CDH13: variants seen among roughly 807,000 people sequenced by gnomAD.
The protein encoded by CDH13 is cadherin 13.
A neutral mutation model predicts 63.8 loss-of-function variants in CDH13; 24 were observed. The ratio of observed to expected loss-of-function variants is 0.38; its 90% CI spans 0.27 to 0.53. The LOEUF (loss-of-function observed/expected upper bound fraction) is 0.53. CDH13 is among the 20% of genes least tolerant of loss of function. CDH13 has a pLI of 0.85. For synonymous variants in CDH13, 503 were observed against 355.3 expected (o/e 1.42, Z -4.67); for missense variants, 1,049 against 903.1 (o/e 1.16, Z -2.07).
rs149017844 is a variant in CDH13, at chr16:83,168,353, A to G, written c.483+42852A>G. Among the ~76,000 whole-genome samples, 460 of 152,154 alleles carry G rather than the reference A, an allele frequency of 3.0e-3. 2 individuals carry two copies. Among genetic ancestry groups the G allele is most frequent in the African/African-American group, 0.011 (446 of 41,550 alleles). On this transcript the variant is annotated intron_variant, in intron 4 of 13. Coordinates refer to ENST00000567109, the MANE Select transcript of CDH13 (RefSeq NM_001257.5). ...TATTTACACACACACTCAAACACGC[A>G]TACATGTATGTATGTGTATATATAT... is the stretch of plus-strand genomic sequence containing the variant.
intron 8 of CDH13, among the ~76,000 whole-genome samples, chr16:83,605,738 T>A (rs1286498961): frequency 6.6e-6 from 1 of 152,196 alleles, no homozygotes; most frequent in Non-Finnish European, 1.5e-5. Flanking sequence ...CAGTGATGTT[T>A]CCAAAATGTC....
At chr16:82,788,143 A>G (rs915630399) in intron 1 of CDH13, among the ~76,000 whole-genome samples, 2 of 152,206 alleles carry the variant, frequency 1.3e-5, no homozygotes, top group African/African-American at 4.8e-5. Context: ...ACTAGTAGGA[A>G]TGCATCTAGG....
At chr16:83,753,227 A>G (rs1913235863) in intron 11 of CDH13, among the ~76,000 whole-genome samples, 1 of 152,196 alleles carries the variant, frequency 6.6e-6, no homozygotes, top group Non-Finnish European at 1.5e-5. Context: ...TTTAACCCGG[A>G]AAAGCCAACA....
At chr16:82,839,625 C>G (rs1171573346) in intron 1 of CDH13, among the ~76,000 whole-genome samples, 1 of 152,138 alleles carries the variant, frequency 6.6e-6, no homozygotes, top group Non-Finnish European at 1.5e-5. Context: ...CTTTGCTGGC[C>G]AGTGACTAAA....
intron 2 of CDH13, among the ~76,000 whole-genome samples, chr16:82,902,292 C>T (rs2151245743): frequency 6.6e-6 from 1 of 151,898 alleles, no homozygotes. Context: ...ATCAAAACTA[C>T]TGGGGAGAAA....
chr16:83,505,774 C>T (rs1476796168), intron 7 of CDH13, among the ~76,000 whole-genome samples: 1 of 152,060 alleles, frequency 6.6e-6, no homozygotes, highest in Non-Finnish European at 1.5e-5. Flanking sequence ...AACTCCTGAC[C>T]TCAGGTGATC....
Position 83,054,644 on chromosome 16 carries a change from C to G in CDH13, c.366+22426C>G, listed in dbSNP as rs2030733979. The stretch of plus-strand genomic sequence containing the variant: ...TGCAATTGACTATAGGTAACTAAAA[C>G]TACAGAAAGCAAAACTACAGATAAG... On this transcript the variant is annotated intron_variant, in intron 3 of 13. Coordinates refer to ENST00000567109, the MANE Select transcript of CDH13 (RefSeq NM_001257.5). Among the ~76,000 whole-genome samples, 3 of 152,056 alleles carry G rather than the reference C, an allele frequency of 2.0e-5. 1 individual carries two copies. In the South Asian group the frequency reaches 6.2e-4, roughly 32 times the overall value.
chr16:83,427,580 G>A (rs1035373889), intron 6 of CDH13, among the ~76,000 whole-genome samples: 4 of 152,062 alleles, frequency 2.6e-5, no homozygotes. Context: ...TCACTAAGAT[G>A]GTACAGTTAG....
chr16:83,087,603 G>A (rs1448215190), intron 3 of CDH13, among the ~76,000 whole-genome samples: 1 of 143,370 alleles, frequency 7.0e-6, no homozygotes, highest in Non-Finnish European at 1.5e-5. Flanking sequence ...GGGAGCCGGA[G>A]GTCACAGCGA....
intron 6 of CDH13, among the ~76,000 whole-genome samples, chr16:83,389,139 A>G (rs895971513): frequency 6.6e-6 from 1 of 152,240 alleles, no homozygotes; most frequent in African/African-American, 2.4e-5. Flanking sequence ...ACGGGTATGC[A>G]TCAGAATCAC....
intron 3 of CDH13, among the ~76,000 whole-genome samples, chr16:83,103,403 G>C (rs754478951): frequency 1.3e-5 from 2 of 150,612 alleles, no homozygotes; most frequent in Non-Finnish European, 2.9e-5. Context: ...GTGCCACCAC[G>C]CCCGGCTGAT....
In CDH13 at chr16:83,388,550, C is replaced by T. The variant is rs183800117; in HGVS notation, c.781+43544C>T. Among the ~76,000 whole-genome samples, 16 of 152,214 alleles carry T rather than the reference C, an allele frequency of 1.1e-4. No homozygotes were observed. The East Asian group carries it at 3.1e-3, about 29-fold the overall frequency. The stretch of plus-strand genomic sequence containing the variant: ...ATGGGCAGGAGCTGAGGAGCAGCTG[C>T]CTGTTTGGATCATGGCAGCTACAGT... On this transcript the variant is annotated intron_variant, in intron 6 of 13. Transcript: ENST00000567109.
At chr16:83,017,437 C>G (rs1192423205) in intron 2 of CDH13, among the ~76,000 whole-genome samples, 1 of 152,196 alleles carries the variant, frequency 6.6e-6, no homozygotes, top group Non-Finnish European at 1.5e-5. Context: ...GGAATCCACT[C>G]TCTTTCCCAA....
At chr16:82,742,476 A>G (rs1474043978) in intron 1 of CDH13, among the ~76,000 whole-genome samples, 1 of 152,148 alleles carries the variant, frequency 6.6e-6, no homozygotes, top group African/African-American at 2.4e-5. Flanking sequence ...TTGATTATGT[A>G]TAGCTCTTTA....
At chr16:83,327,956 C>T (rs984835943) in intron 5 of CDH13, among the ~76,000 whole-genome samples, 1 of 151,968 alleles carries the variant, frequency 6.6e-6, no homozygotes, top group African/African-American at 2.4e-5. Context: ...TACAGTGAAA[C>T]CCCGTCTCTA....
intron 2 of CDH13, among the ~76,000 whole-genome samples, chr16:82,962,913 G>T (rs1207389472): frequency 6.6e-6 from 1 of 152,114 alleles, no homozygotes; most frequent in Admixed American, 6.5e-5. Flanking sequence ...AAAAAAATTA[G>T]ATTAGGGAAA....
chr16:83,402,233 G>A lies in CDH13; in HGVS notation c.781+57227G>A, dbSNP rs138142261. Among the ~76,000 whole-genome samples the A allele has an allele frequency of 5.7e-3, 864 of 152,222 alleles. 3 individuals carry two copies. Among genetic ancestry groups the A allele is most frequent in the Non-Finnish European group, 8.6e-3 (582 of 68,018 alleles). On this transcript the variant is annotated intron_variant, in intron 6 of 13. Transcript: ENST00000567109. The stretch of plus-strand genomic sequence containing the variant: ...CTGCTGCTGCTAAAGTAGCAAAACT[G>A]TCTGGCTCCCGGAGCGCCACCTATT...
At chr16:83,051,904 T>C (rs532157660) in intron 3 of CDH13, among the ~76,000 whole-genome samples, 2 of 152,352 alleles carry the variant, frequency 1.3e-5, no homozygotes, top group South Asian at 2.1e-4. Flanking sequence ...TTGATTTATT[T>C]GGACTATGGT....
At chr16:83,130,782 C>A (rs1048253991) in intron 4 of CDH13, among the ~76,000 whole-genome samples, 4 of 152,254 alleles carry the variant, frequency 2.6e-5, no homozygotes, top group Admixed American at 6.5e-5. Context: ...TGAATGGAGA[C>A]AAAGTACGTA....
Sources: allele counts gnomAD v4.1 joint callset (sites outside exome capture counted in the v4.1 genomes callset), GRCh38; gene constraint gnomAD v4.1.1; transcripts MANE v1.5; gene names NCBI Gene and HGNC (gene_info 2026-07-23, HGNC 2026-07-21).